The following NALF1 variants were observed in gnomAD, a reference collection of about 807,000 sequenced individuals.
The protein encoded by NALF1 is NALCN channel auxiliary factor 1, also known as family with sequence similarity 155 member A.
Under a neutral mutation model 48.4 loss-of-function variants are expected in NALF1, and 3 were observed. The observed-to-expected ratio is 0.06, with a 90% CI of 0.03 to 0.16. NALF1 has a LOEUF of 0.16. Ranked by LOEUF, NALF1 falls within the 10% of genes least tolerant of loss-of-function variation. NALF1 has a pLI of 1.00. For missense variants in NALF1, 526 were observed against 571.5 expected, an observed-to-expected ratio of 0.92 and a Z score of 0.81; for synonymous variants, 262 against 245.7, an observed-to-expected ratio of 1.07 and a Z score of -0.62.
intron 1 of NALF1, among the ~76,000 whole-genome samples, chr13:107,399,625 A>G (rs1378232206): frequency 6.6e-6 from 1 of 152,040 alleles, no homozygotes; most frequent in Non-Finnish European, 1.5e-5. Context: ...TGTTGATTCA[A>G]ATTCCTTGGT....
rs376715124 is a variant in NALF1 at position 107,565,084 on chromosome 13, ACCTAGCATAAGTAAAAGAC to A, written c.915+300579_915+300597del. On this transcript the variant is annotated intron_variant, in intron 1 of 2. Transcript: ENST00000375915. ...TATCTGCAAAAAAAAAAAAAAAAAA[ACCTAGCATAAGTAAAAGAC>A]AAAAAAAAAAAACAGACATAAACAA... Among the ~76,000 whole-genome samples, 7 of 145,828 alleles carry A rather than the reference ACCTAGCATAAGTAAAAGAC, an allele frequency of 4.8e-5. No individual in the cohort carries two copies. In the East Asian group the frequency reaches 1.2e-3, roughly 25 times the overall value.
intron 1 of NALF1, among the ~76,000 whole-genome samples, chr13:107,685,349 C>T (rs1170384991): frequency 6.6e-6 from 1 of 151,960 alleles, no homozygotes; most frequent in Non-Finnish European, 1.5e-5. Context: ...AACAAGAAGG[C>T]TTTTTAAGGA....
At chr13:107,585,512 C>T (rs983126067) in intron 1 of NALF1, among the ~76,000 whole-genome samples, 3 of 152,144 alleles carry the variant, frequency 2.0e-5, no homozygotes, top group South Asian at 2.1e-4. Flanking sequence ...GAGAAAGCTT[C>T]TGTGTTTTTC....
In NALF1 at chr13:107,859,171, G is replaced by A. The variant is rs572982987; in HGVS notation, c.915+6511C>T. ...CATTGACAAGGAGGAAAGGAAAACT[G>A]AGAGGTGAAGAGGCTAAGTCAGCAA... On this transcript the variant is annotated intron_variant, in intron 1 of 2. Coordinates refer to ENST00000375915, the MANE Select transcript of NALF1 (RefSeq NM_001080396.3). 7.9e-5 allele frequency among the ~76,000 whole-genome samples: 12 copies of A among 152,314 alleles called. No individual in the cohort carries two copies. In the South Asian group the frequency reaches 2.5e-3, roughly 32 times the overall value.
intron 1 of NALF1, among the ~76,000 whole-genome samples, chr13:107,311,098 A>AT (rs957410845): frequency 1.1e-4 from 17 of 152,002 alleles, no homozygotes; most frequent in Admixed American, 9.8e-4. Flanking sequence ...GTTATAACAC[A>AT]TTTTTTTTCC....
At chr13:107,370,301 G>A (rs767761831) in intron 1 of NALF1, among the ~76,000 whole-genome samples, 5 of 152,170 alleles carry the variant, frequency 3.3e-5, no homozygotes, top group Non-Finnish European at 7.3e-5. Flanking sequence ...CATCCTTCCC[G>A]CCCCAAAACA....
chr13:107,704,854 A>G (rs1482758473), intron 1 of NALF1, among the ~76,000 whole-genome samples: 1 of 152,048 alleles, frequency 6.6e-6, no homozygotes, highest in Admixed American at 6.5e-5. Flanking sequence ...ATTGGGAGAG[A>G]GTGTGGGAAA....
chr13:107,435,507 T>C (rs1046867469), intron 1 of NALF1, among the ~76,000 whole-genome samples: 1 of 152,166 alleles, frequency 6.6e-6, no homozygotes, highest in Admixed American at 6.6e-5. Flanking sequence ...GATGTAAAAG[T>C]TTATCTTCCA....
chr13:107,493,721 A>G (rs911696946), intron 1 of NALF1, among the ~76,000 whole-genome samples: 6 of 152,124 alleles, frequency 3.9e-5, no homozygotes, highest in Admixed American at 1.3e-4. Context: ...TAAAAAAAAT[A>G]AAAACAAACA....
At chr13:107,666,590 G>A (rs1306585948) in intron 1 of NALF1, among the ~76,000 whole-genome samples, 1 of 152,060 alleles carries the variant, frequency 6.6e-6, no homozygotes, top group Non-Finnish European at 1.5e-5. Flanking sequence ...AGATGGCTAT[G>A]GCCTTGACTA....
At chr13:107,581,147 A>AT (rs1878295955) in intron 1 of NALF1, among the ~76,000 whole-genome samples, 3 of 152,182 alleles carry the variant, frequency 2.0e-5, no homozygotes, top group Non-Finnish European at 2.9e-5. Flanking sequence ...CCTCGGACGC[A>AT]TTTTGATTCA....
intron 1 of NALF1, among the ~76,000 whole-genome samples, chr13:107,356,949 A>G (rs1882973227): frequency 6.6e-6 from 1 of 152,204 alleles, no homozygotes; most frequent in Non-Finnish European, 1.5e-5. Context: ...GGGCCTTTAC[A>G]GTGTTACCAT....
intron 1 of NALF1, among the ~76,000 whole-genome samples, chr13:107,644,375 C>A (rs191990879): frequency 1.3e-5 from 2 of 150,960 alleles, no homozygotes; most frequent in Non-Finnish European, 3.0e-5. Context: ...CAATAGCAAC[C>A]AGGTTTAATA....
intron 1 of NALF1, among the ~76,000 whole-genome samples, chr13:107,254,876 TACTC>T (rs1176827063): frequency 2.0e-5 from 3 of 152,336 alleles, no homozygotes; most frequent in Admixed American, 2.0e-4. Context: ...AGCTTAATTA[TACTC>T]ACTCAAGGAA....
At chr13:107,467,943 G>A (rs1342850259) in intron 1 of NALF1, among the ~76,000 whole-genome samples, 3 of 151,876 alleles carry the variant, frequency 2.0e-5, no homozygotes, top group Non-Finnish European at 2.9e-5. Flanking sequence ...AGCTACTCGG[G>A]AGGCTGAGGC....
At chr13:107,636,316 G>A (rs923705162) in intron 1 of NALF1, among the ~76,000 whole-genome samples, 7 of 152,040 alleles carry the variant, frequency 4.6e-5, no homozygotes, top group Admixed American at 6.6e-5. Flanking sequence ...GAGTTTGCTC[G>A]AGCATCCATT....
At chr13:107,483,280 C>T (rs978090322) in intron 1 of NALF1, among the ~76,000 whole-genome samples, 8 of 152,068 alleles carry the variant, frequency 5.3e-5, no homozygotes, top group Non-Finnish European at 1.0e-4. Context: ...CCCAAATTTC[C>T]GTGATTCAAA....
intron 1 of NALF1, among the ~76,000 whole-genome samples, chr13:107,566,563 T>C (rs999020230): frequency 1.3e-5 from 2 of 152,172 alleles, no homozygotes; most frequent in African/African-American, 4.8e-5. Flanking sequence ...CAGGCCACCC[T>C]AACCAGAGCC....
intron 1 of NALF1, among the ~76,000 whole-genome samples, chr13:107,542,180 CA>C (rs1877017050): frequency 3.9e-5 from 6 of 152,020 alleles, no homozygotes; most frequent in Admixed American, 2.0e-4. Context: ...TACATGCTAC[CA>C]CCTGGATGAA....
Sources: allele counts gnomAD v4.1 joint callset (sites outside exome capture counted in the v4.1 genomes callset), GRCh38; gene constraint gnomAD v4.1.1; transcripts MANE v1.5; gene names NCBI Gene and HGNC (gene_info 2026-07-23, HGNC 2026-07-21).